Variants in CRIM1 observed in about 807,000 individuals in gnomAD.
The protein encoded by CRIM1 is cysteine rich transmembrane BMP regulator 1.
A neutral mutation model predicts 116.4 loss-of-function variants in CRIM1; 32 were observed. The ratio of observed to expected loss-of-function variants is 0.27; its 90% confidence interval spans 0.21 to 0.37. The LOEUF (loss-of-function observed/expected upper bound fraction) is 0.37. Among genes scored for constraint, CRIM1 ranks in the 10% least tolerant of loss-of-function variants. The pLI is 1.00. For missense variants in CRIM1, 1,331 were observed against 1,354.8 expected (o/e 0.98, Z 0.28); for synonymous variants, 590 against 509.2 (o/e 1.16, Z -2.13).
At chr2:36,506,193 A>T (rs1037213547) in intron 8 of CRIM1, among the ~76,000 whole-genome samples, 152 of 149,048 alleles carry the variant, frequency 1.0e-3, no homozygotes, top group East Asian at 8.7e-3. Flanking sequence ...ACACACACAC[A>T]CACACACACA....
At chr2:36,456,372 T>C (rs1031711444) in intron 4 of CRIM1, among the ~76,000 whole-genome samples, 7 of 152,214 alleles carry the variant, frequency 4.6e-5, no homozygotes, top group Non-Finnish European at 1.0e-4. Flanking sequence ...ATCTATTTTC[T>C]GAGGCAGTTG....
At chr2:36,540,317 C>A in intron 14 of CRIM1, among the ~76,000 whole-genome samples, 1 of 151,952 alleles carries the variant, frequency 6.6e-6, no homozygotes. Flanking sequence ...TTCACCTCTC[C>A]CATTGCGAGT....
intron 2 of CRIM1, among the ~76,000 whole-genome samples, chr2:36,410,025 G>C (rs1225636212): frequency 2.0e-5 from 3 of 152,192 alleles, no homozygotes; most frequent in Non-Finnish European, 4.4e-5. Flanking sequence ...TACTCTTACA[G>C]TGTGCCTTCC....
Position 36,513,678 on chromosome 2 carries a change from C to G in CRIM1, c.1903C>G (p.Arg635Gly), listed in dbSNP as rs370542815. Residue 635 changes from arginine to glycine, a missense_variant, in exon 11 of 17, where the codon CGG (arginine) becomes GGG (glycine). Transcript: ENST00000280527. ...CCGGGAATGCTACTGTCTCAATGGA[C>G]GGGAAATGTGTGCCCTGATCACCTG... ...GCRECYCLNG[R>G]EMCALITCPV... The G allele has an allele frequency of 1.2e-6, 2 of 1,614,092 alleles. No individual in the cohort carries two copies. The highest frequency in any genetic ancestry group is 4.5e-5 in the East Asian group (2 of 44,894).
At chr2:36,426,883 A>G (rs1193680926) in intron 2 of CRIM1, among the ~76,000 whole-genome samples, 1 of 152,190 alleles carries the variant, frequency 6.6e-6, no homozygotes, top group African/African-American at 2.4e-5. Context: ...TTTCCTGAAA[A>G]TGAGAGTAGC....
intron 7 of CRIM1, among the ~76,000 whole-genome samples, 184 bp downstream of exon 7, chr2:36,479,878 T>C (rs1199004554): frequency 6.6e-6 from 1 of 152,222 alleles, no homozygotes; most frequent in Non-Finnish European, 1.5e-5. Context: ...ACATGTGAAA[T>C]GAGAATAGTG....
intron 1 of CRIM1, among the ~76,000 whole-genome samples, chr2:36,366,239 A>G (rs935875718): frequency 1.3e-5 from 2 of 152,148 alleles, no homozygotes; most frequent in African/African-American, 4.8e-5. Context: ...GTATTATCGC[A>G]TAGTAGAAAT....
intron 2 of CRIM1, among the ~76,000 whole-genome samples, chr2:36,411,578 A>G (rs758884757): frequency 6.6e-6 from 1 of 152,216 alleles, no homozygotes; most frequent in Non-Finnish European, 1.5e-5. Context: ...AGCTACATGT[A>G]TATAAGCACA....
intron 14 of CRIM1, 76 bp from the exon 15 acceptor site, chr2:36,544,300 C>A (rs950371600): frequency 6.4e-6 from 8 of 1,249,092 alleles, no homozygotes; most frequent in Non-Finnish European, 6.2e-6. Context: ...TTGAGTGCAC[C>A]ATTTGGATTG....
chr2:36,382,926 G>A (rs3821165), intron 1 of CRIM1, among the ~76,000 whole-genome samples: 66,300 of 152,026 alleles, frequency 0.44, 14,554 homozygotes, highest in South Asian at 0.53. Context: ...TTTGGGAGTT[G>A]TCTGCATTTG....
At chr2:36,451,763 A>G (rs1467513836) in intron 4 of CRIM1, among the ~76,000 whole-genome samples, 1 of 152,192 alleles carries the variant, frequency 6.6e-6, no homozygotes, top group African/African-American at 2.4e-5. Context: ...CTGTCAACAC[A>G]GTGCGCATCA....
chr2:36,510,293 G>C (rs1009254026), intron 9 of CRIM1, among the ~76,000 whole-genome samples, 154 bp downstream of exon 9: 2 of 152,146 alleles, frequency 1.3e-5, no homozygotes, highest in Non-Finnish European at 2.9e-5. Flanking sequence ...AGAAAGCAGG[G>C]AGAAGGTTGT....
intron 1 of CRIM1, among the ~76,000 whole-genome samples, chr2:36,359,632 TAA>T (rs1172507691): frequency 6.6e-6 from 1 of 152,230 alleles, no homozygotes; most frequent in African/African-American, 2.4e-5. Context: ...AATGATTAAA[TAA>T]TGTGATGAGT....
At chr2:36,476,172 C>T (rs935176648) in intron 5 of CRIM1, among the ~76,000 whole-genome samples, 1 of 151,882 alleles carries the variant, frequency 6.6e-6, no homozygotes, top group Admixed American at 6.6e-5. Flanking sequence ...ACTATGAGTC[C>T]TCAGCAGAAC....
chr2:36,437,874 C>T (rs1373007711), intron 2 of CRIM1, among the ~76,000 whole-genome samples: 1 of 151,998 alleles, frequency 6.6e-6, no homozygotes, highest in Non-Finnish European at 1.5e-5. Flanking sequence ...TGGCTCACTC[C>T]TGTAATCCCA....
At chr2:36,363,685 C>A (rs201617255) in intron 1 of CRIM1, among the ~76,000 whole-genome samples, 1 of 109,672 alleles carries the variant, frequency 9.1e-6, no homozygotes, top group Non-Finnish European at 1.8e-5. Flanking sequence ...ATTAAAAATA[C>A]TTAATTTGGG....
intron 4 of CRIM1, among the ~76,000 whole-genome samples, chr2:36,458,921 A>T (rs538064033): frequency 6.6e-6 from 1 of 152,294 alleles, no homozygotes; most frequent in South Asian, 2.1e-4. Context: ...GGGTGACAGT[A>T]TTGGATAAAT....
At chr2:36,426,764 T>A (rs1674478057) in intron 2 of CRIM1, among the ~76,000 whole-genome samples, 1 of 152,220 alleles carries the variant, frequency 6.6e-6, no homozygotes, top group South Asian at 2.1e-4. Flanking sequence ...ACAAGGCTCC[T>A]TTTTTGTATG....
chr2:36,388,460 A>G (rs889249801), intron 1 of CRIM1, among the ~76,000 whole-genome samples: 1 of 152,194 alleles, frequency 6.6e-6, no homozygotes, highest in Non-Finnish European at 1.5e-5. Flanking sequence ...GTACAATTTC[A>G]ATAAAGATGC....
Sources: allele counts gnomAD v4.1 joint callset (sites outside exome capture counted in the v4.1 genomes callset), GRCh38; gene constraint gnomAD v4.1.1; transcripts MANE v1.5; gene names NCBI Gene and HGNC (gene_info 2026-07-23, HGNC 2026-07-21).